Variants in TPO observed in about 807,000 individuals in gnomAD.
The protein encoded by TPO is thyroid microsomal antigen.
TPO carries 78 observed loss-of-function variants against 96.9 expected under a neutral mutation model. The ratio of observed to expected loss-of-function variants is 0.81; its 90% CI spans 0.67 to 0.97. TPO has a LOEUF of 0.97. Ranked by LOEUF, TPO falls within the 50% of genes least tolerant of loss-of-function variation. TPO has a pLI of 0.00. For synonymous variants in TPO, 547 were observed against 538.0 expected, an observed-to-expected ratio of 1.02 and a Z score of -0.23; for missense variants, 1,252 against 1,274.8, an observed-to-expected ratio of 0.98 and a Z score of 0.27.
chr2:1,460,331 AAC>A (rs1361405378), intron 7 of TPO, among the ~76,000 whole-genome samples: 5 of 152,136 alleles, frequency 3.3e-5, no homozygotes, highest in Non-Finnish European at 5.9e-5. Flanking sequence ...TTCAGCAATG[AAC>A]AGTCTGCCAA....
At chr2:1,535,659 A>C (rs1253727335) in intron 15 of TPO, among the ~76,000 whole-genome samples, 3 of 90,354 alleles carry the variant, frequency 3.3e-5, no homozygotes, top group Non-Finnish European at 4.5e-5. Flanking sequence ...AACCTCCTCA[A>C]ATCCCCCCAC....
chr2:1,489,394 T>G (rs1671498777), intron 10 of TPO, among the ~76,000 whole-genome samples: 1 of 152,224 alleles, frequency 6.6e-6, no homozygotes, highest in Non-Finnish European at 1.5e-5. Flanking sequence ...GATCTCCTCA[T>G]GTTCCCACTG....
chr2:1,421,388 A>C (rs1663505053), intron 2 of TPO, among the ~76,000 whole-genome samples: 1 of 152,298 alleles, frequency 6.6e-6, no homozygotes, highest in East Asian at 1.9e-4. Context: ...CTAAGATGTA[A>C]CTCTGCAGCT....
intron 1 of TPO, among the ~76,000 whole-genome samples, chr2:1,381,464 C>T (rs182640833): frequency 3.9e-5 from 6 of 152,246 alleles, no homozygotes; most frequent in South Asian, 2.1e-4. Context: ...AGAACAGCAA[C>T]GAGGGGGTGG....
chr2:1,489,417 A>C (rs1671500306), intron 10 of TPO, among the ~76,000 whole-genome samples: 1 of 152,208 alleles, frequency 6.6e-6, no homozygotes, highest in African/African-American at 2.4e-5. Flanking sequence ...GACTTCCCCA[A>C]GCTAACTGTG....
At position 1,434,575 on chromosome 2, in the gene TPO, G is replaced by C. The variant is rs73908715; in HGVS notation, c.349+968G>C. Among the ~76,000 whole-genome samples, 1,456 of 152,228 alleles carry C rather than the reference G, an allele frequency of 9.6e-3. 13 individuals carry two copies. Among genetic ancestry groups the C allele is most frequent in the African/African-American group, 0.033 (1,380 of 41,524 alleles). On this transcript the variant is annotated intron_variant, in intron 4 of 16. Coordinates refer to ENST00000329066, the MANE Select transcript of TPO (RefSeq NM_001206744.2). The stretch of plus-strand genomic sequence containing the variant: ...GGGACACTGTCCTGTCCACTGTCCT[G>C]TCAGGCCTCCTATGGAAATGGCAGT...
intron 7 of TPO, among the ~76,000 whole-genome samples, chr2:1,462,597 G>A (rs577110841): frequency 2.0e-5 from 3 of 151,766 alleles, no homozygotes; most frequent in Admixed American, 1.3e-4. Flanking sequence ...CATACAGACT[G>A]GAAAGAAATT....
chr2:1,503,677 AG>A, intron 13 of TPO: 1 of 641,470 alleles, frequency 1.6e-6, no homozygotes, highest in Non-Finnish European at 2.9e-6. Context: ...GATTTCCTCC[AG>A]GAAGTCTCCT....
intron 7 of TPO, among the ~76,000 whole-genome samples, chr2:1,466,678 C>G (rs868542063): frequency 3.9e-5 from 6 of 152,160 alleles, no homozygotes; most frequent in Admixed American, 1.3e-4. Flanking sequence ...TAAAGCTGTT[C>G]ATAGTAGCCA....
chr2:1,460,057 T>A (rs1311053803), intron 7 of TPO, among the ~76,000 whole-genome samples: 2 of 151,976 alleles, frequency 1.3e-5, no homozygotes, highest in African/African-American at 2.4e-5. Flanking sequence ...TGCCTCAGCA[T>A]CCTGAGTAGC....
At chr2:1,470,009 C>T (rs1669247188) in intron 7 of TPO, among the ~76,000 whole-genome samples, 1 of 152,160 alleles carries the variant, frequency 6.6e-6, no homozygotes, top group African/African-American at 2.4e-5. Flanking sequence ...CACAAAAAAT[C>T]CTCCTCATGT....
chr2:1,514,589 C>A (rs1313119445), intron 14 of TPO, among the ~76,000 whole-genome samples: 2 of 152,148 alleles, frequency 1.3e-5, no homozygotes, highest in African/African-American at 4.8e-5. Context: ...TCCAGGGCTC[C>A]CCGGGGTGGC....
In TPO at chr2:1,487,802, T is replaced by C. The variant is rs573605874; in HGVS notation, c.1598-19T>C. 1.4e-4 allele frequency: 227 copies of C among 1,614,166 alleles called. 1 individual carries two copies. Among genetic ancestry groups the C allele is most frequent in the South Asian group, 1.2e-3 (105 of 91,090 alleles). On this transcript the variant is annotated intron_variant, in intron 9 of 16. Coordinates refer to ENST00000329066, the MANE Select transcript of TPO (RefSeq NM_001206744.2). ...ACTGAGCCAAGAGCTGTCCTTGCCT[T>C]GTGCATGGTATTTTCCAGGTGGTTT...
At position 1,516,865 on chromosome 2, in the gene TPO, C is replaced by G. The variant is rs752071433; in HGVS notation, c.2519-18C>G. On this transcript the variant is annotated intron_variant, in intron 14 of 16. Coordinates refer to ENST00000329066, the MANE Select transcript of TPO (RefSeq NM_001206744.2). ...GCCCTGGAAGGTTCTTCTAACCAGGCCTCTTTCTGTGCCCCAGACTCCGGG... is the reference window on the plus strand; with the variant it reads ...GCCCTGGAAGGTTCTTCTAACCAGGGCTCTTTCTGTGCCCCAGACTCCGGG... 5.6e-6 allele frequency: 9 copies of G among 1,612,686 alleles called. No homozygotes were observed. The South Asian group carries it at 9.9e-5, about 18-fold the overall frequency.
intron 15 of TPO, among the ~76,000 whole-genome samples, chr2:1,517,941 C>T (rs1674872997): frequency 9.3e-6 from 1 of 107,742 alleles, no homozygotes. Context: ...GTGCCAGGCT[C>T]CCCCCCCCAA....
intron 15 of TPO, among the ~76,000 whole-genome samples, chr2:1,537,430 GTGTGCAAAC>G (rs1680014575): frequency 1.4e-5 from 1 of 69,988 alleles, no homozygotes; most frequent in Admixed American, 1.5e-4. Flanking sequence ...CCCTCCCATT[GTGTGCAAAC>G]TCCCAAATCT....
At chr2:1,442,122 TTG>T (rs1246073929) in intron 5 of TPO, among the ~76,000 whole-genome samples, 1 of 152,216 alleles carries the variant, frequency 6.6e-6, no homozygotes, top group African/African-American at 2.4e-5. Flanking sequence ...TCCACCATGA[TTG>T]TGAGGCCTCC....
At chr2:1,488,028 T>TG in intron 10 of TPO, 37 bp downstream of exon 10, 1 of 1,611,186 alleles carries the variant, frequency 6.2e-7, no homozygotes, top group Non-Finnish European at 8.5e-7. Context: ...CTCATGCAGC[T>TG]GCTGCGGGAT....
chr2:1,416,897 G>A (rs540781362), intron 2 of TPO, among the ~76,000 whole-genome samples: 2 of 152,308 alleles, frequency 1.3e-5, no homozygotes, highest in African/African-American at 4.8e-5. Flanking sequence ...AGCAGGCAGC[G>A]GCAGGGCCAA....
Sources: gnomAD v4.1 joint callset for allele counts (sites outside exome capture counted in the v4.1 genomes callset) on GRCh38, gnomAD v4.1.1 for gene constraint, MANE v1.5 for transcripts, NCBI Gene and HGNC (gene_info 2026-07-23, HGNC 2026-07-21) for gene names.